Variants in GALNT16 observed in about 807,000 individuals in gnomAD.
GALNT16 encodes polypeptide N-acetylgalactosaminyltransferase 16.
GALNT16 carries 40 observed loss-of-function variants against 76.1 expected under a neutral mutation model. The observed-to-expected ratio is 0.53, with a 90% confidence interval of 0.41 to 0.68. The LOEUF is 0.68. Among genes scored for constraint, GALNT16 ranks in the 30% least tolerant of loss-of-function variants. The pLI, the probability that GALNT16 is intolerant of heterozygous loss-of-function variation, is 0.00. For missense variants in GALNT16, 621 were observed against 731.9 expected (o/e 0.85, Z 1.75); for synonymous variants, 276 against 285.2 (o/e 0.97, Z 0.32).
the GALNT16 span, among the ~76,000 whole-genome samples, chr14:69,370,586 T>C: frequency 1.3e-5 from 2 of 152,162 alleles, no homozygotes; most frequent in Non-Finnish European, 2.9e-5. Context: ...TTCAAGCATA[T>C]GAAAAAGAAG....
chr14:69,298,725 CCTAGTGGGAAGGTTG>C, intron 1 of GALNT16: 1 of 152,420 alleles, frequency 6.6e-6, no homozygotes, highest in East Asian at 1.9e-4. Flanking sequence ...GATCTGGGGG[CCTAGTGGGAAGGTTG>C]CTAGTGGCTT....
chr14:69,296,432 G>A (rs961524767), intron 1 of GALNT16, among the ~76,000 whole-genome samples: 4 of 152,190 alleles, frequency 2.6e-5, no homozygotes, highest in Non-Finnish European at 4.4e-5. Context: ...GTTGGCTCAT[G>A]CCTGTAATCC....
At chr14:69,316,457 A>G (rs1043325224) in intron 1 of GALNT16, among the ~76,000 whole-genome samples, 6 of 152,208 alleles carry the variant, frequency 3.9e-5, no homozygotes, top group Middle Eastern at 3.2e-3. Context: ...AGTAAAGCAC[A>G]TATAGACTGT....
Position 69,348,173 on chromosome 14 carries a change from A to T in GALNT16, c.1539+171A>T, listed in dbSNP as rs1404506030. 4 of 631,742 alleles carry T rather than the reference A, an allele frequency of 6.3e-6. No individual in the cohort carries two copies. The African/African-American group carries it at 7.3e-5, about 12-fold the overall frequency. The allele number at this position is 631,742 out of a possible 1,614,324, so 39.1% of individuals were successfully genotyped here. A position where few individuals can be genotyped will look rare whatever the true frequency, so the allele number is the denominator to read the frequency against. ...CTAGGTCAAGCCAATTATTCTGCCC[A>T]TGAGGAAATACTTCTTTGGGTAATT... On this transcript the variant is annotated intron_variant, in intron 14 of 14. Coordinates refer to ENST00000448469, the MANE Select transcript of GALNT16 (RefSeq NM_001168368.2).
chr14:69,321,805 C>T (rs1301230779), intron 2 of GALNT16, among the ~76,000 whole-genome samples: 2 of 152,242 alleles, frequency 1.3e-5, no homozygotes, highest in Non-Finnish European at 2.9e-5. Flanking sequence ...CTTCTGTGCT[C>T]TGTGCAGACA....
downstream of GALNT16, chr14:69,356,997 T>C (rs1469395850): frequency 1.3e-5 from 2 of 152,220 alleles, no homozygotes; most frequent in Non-Finnish European, 2.9e-5. Flanking sequence ...CAATATGTCA[T>C]TACTATTATT....
At chr14:69,278,704 G>A (rs746923073) in intron 1 of GALNT16, among the ~76,000 whole-genome samples, 6 of 152,242 alleles carry the variant, frequency 3.9e-5, no homozygotes, top group South Asian at 4.2e-4. Flanking sequence ...TGGCAGTTTC[G>A]TATGGTCTAA....
At position 69,322,981 on chromosome 14, in the gene GALNT16, T is replaced by TGTGCGC. The variant is rs1196943800; in HGVS notation, c.336-1710_336-1709insTGCGCG. 5.6e-3 allele frequency among the ~76,000 whole-genome samples: 160 copies of TGTGCGC among 28,344 alleles called. 5 individuals carry two copies. The highest frequency in any genetic ancestry group is 5.5e-3 in the Non-Finnish European group (94 of 17,114). 18.6% of individuals were successfully genotyped at this position (28,344 alleles called of 152,430 possible). On this transcript the variant is annotated intron_variant, in intron 2 of 14. Transcript: ENST00000448469. ...GTGTGTGTGTGTGTGTGTGTGTGTG[T>TGTGCGC]GCGCGCGCACGCGCGCACGCATGCA...
chr14:69,307,483 C>T (rs1383732195), intron 1 of GALNT16, among the ~76,000 whole-genome samples: 1 of 152,198 alleles, frequency 6.6e-6, no homozygotes, highest in Non-Finnish European at 1.5e-5. Context: ...ACTCAGAGAT[C>T]ATCTTGCTGA....
chr14:69,270,022 C>T (rs555056383), intron 1 of GALNT16, among the ~76,000 whole-genome samples: 31 of 152,040 alleles, frequency 2.0e-4, no homozygotes, highest in South Asian at 4.2e-4. Flanking sequence ...TGATCAAGCC[C>T]GCCTTTGTCT....
the GALNT16 span, among the ~76,000 whole-genome samples, chr14:69,375,643 G>T: frequency 6.6e-6 from 1 of 152,046 alleles, no homozygotes; most frequent in Non-Finnish European, 1.5e-5. Flanking sequence ...TACAAATAGA[G>T]ATCTTTATTT....
At chr14:69,347,268 C>T (rs763754298) in intron 13 of GALNT16, 87 bp downstream of exon 13, 8 of 1,328,098 alleles carry the variant, frequency 6.0e-6, no homozygotes, top group Non-Finnish European at 8.2e-6. Flanking sequence ...TACTCATTCT[C>T]CTCCTCTGTC....
chr14:69,333,384 G>A lies in GALNT16; in HGVS notation c.864-113G>A. The A allele has an allele frequency of 1.4e-6, 1 of 740,158 alleles. No homozygotes were observed. Among genetic ancestry groups the A allele is most frequent in the Non-Finnish European group, 2.4e-6 (1 of 422,172 alleles). 45.8% of individuals were successfully genotyped at this position (740,158 alleles called of 1,614,324 possible). A position where few individuals can be genotyped will look rare whatever the true frequency, so the allele number is the denominator to read the frequency against. On this transcript the variant is annotated intron_variant, in intron 8 of 14. Coordinates refer to ENST00000448469, the MANE Select transcript of GALNT16 (RefSeq NM_001168368.2). The surrounding 1 kb of genome is among the most constrained non-coding windows in gnomAD (Gnocchi z 4.2). ...GGAGCTGGCCAGACATCCTGCCCCA[G>A]TGACTCTGCAGGGAGGGATCTAGAG... is the stretch of plus-strand genomic sequence containing the variant.
chr14:69,331,598 G>T, intron 7 of GALNT16, 47 bp downstream of exon 7: 1 of 1,091,762 alleles, frequency 9.2e-7, no homozygotes, highest in South Asian at 1.2e-5. Context: ...AAAGGAGGTA[G>T]GTGAGGCTAG....
At chr14:69,275,546 T>C (rs1269118614) in intron 1 of GALNT16, among the ~76,000 whole-genome samples, 1 of 152,236 alleles carries the variant, frequency 6.6e-6, no homozygotes, top group African/African-American at 2.4e-5. Context: ...CATGCGCACA[T>C]ATACATCTCA....
At chr14:69,266,068 C>G (rs756051325) in intron 1 of GALNT16, among the ~76,000 whole-genome samples, 1 of 152,266 alleles carries the variant, frequency 6.6e-6, no homozygotes, top group African/African-American at 2.4e-5. Flanking sequence ...GTAAGTGCAC[C>G]CGACACTAGG....
chr14:69,324,671 A>G, intron 2 of GALNT16, 21 bp from the exon 3 acceptor site: 1 of 1,481,558 alleles, frequency 6.7e-7, no homozygotes, highest in Non-Finnish European at 9.4e-7. Flanking sequence ...GCTGGCTCTG[A>G]CCTCTGTGCT....
chr14:69,332,751 A>G (rs181226934), intron 7 of GALNT16: 2 of 252,276 alleles, frequency 7.9e-6, no homozygotes, highest in East Asian at 2.4e-4. Context: ...TCTCTACTCC[A>G]AAGTCACCAG....
chr14:69,329,343 C>T (rs542966711), intron 6 of GALNT16, among the ~76,000 whole-genome samples: 1 of 151,808 alleles, frequency 6.6e-6, no homozygotes, highest in East Asian at 1.9e-4. Flanking sequence ...GGCAACTGAG[C>T]GAGACTCCAT....
Sources: allele counts gnomAD v4.1 joint callset (sites outside exome capture counted in the v4.1 genomes callset), GRCh38; gene constraint gnomAD v4.1.1; non-coding constraint Gnocchi (gnomAD v3.1); transcripts MANE v1.5; gene names NCBI Gene and HGNC (gene_info 2026-07-23, HGNC 2026-07-21).